The following MACROD2 variants were observed in gnomAD, a reference collection of about 807,000 sequenced individuals.
MACROD2 encodes mono-ADP ribosylhydrolase 2, also known as ADP-ribose glycohydrolase MACROD2.
A neutral mutation model predicts 70.4 loss-of-function variants in MACROD2; 36 were observed. The observed-to-expected ratio is 0.51, with a 90% CI of 0.39 to 0.68. The LOEUF (loss-of-function observed/expected upper bound fraction) is 0.68, where lower values mean the gene tolerates loss of function less well. Among genes scored for constraint, MACROD2 ranks in the 30% least tolerant of loss-of-function variants. MACROD2 has a pLI of 0.00. For missense variants in MACROD2, 496 were observed against 538.4 expected (o/e 0.92, Z 0.78); for synonymous variants, 172 against 178.8 (o/e 0.96, Z 0.30).
chr20:14,434,655 T>A (rs2084035960), intron 3 of MACROD2, among the ~76,000 whole-genome samples: 1 of 152,194 alleles, frequency 6.6e-6, no homozygotes, highest in Non-Finnish European at 1.5e-5. Context: ...CTCTGTTGGC[T>A]CATCCCATCA....
At chr20:15,079,976 C>G (rs1173024747) in intron 5 of MACROD2, among the ~76,000 whole-genome samples, 23 of 152,090 alleles carry the variant, frequency 1.5e-4, no homozygotes. Context: ...ACTACTAAAT[C>G]TACCAACCTG....
chr20:14,372,386 C>G, intron 3 of MACROD2, among the ~76,000 whole-genome samples: 1 of 151,460 alleles, frequency 6.6e-6, no homozygotes, highest in Admixed American at 6.6e-5. Flanking sequence ...TGTTTCAGAC[C>G]AGTAAATGAA....
chr20:15,176,120 C>G (rs1382321065), intron 5 of MACROD2, among the ~76,000 whole-genome samples: 1 of 152,216 alleles, frequency 6.6e-6, no homozygotes, highest in Non-Finnish European at 1.5e-5. Flanking sequence ...CACGCCAGCC[C>G]CCTGCTGCCT....
chr20:14,734,842 T>C (rs1276943846), intron 5 of MACROD2, among the ~76,000 whole-genome samples: 2 of 152,164 alleles, frequency 1.3e-5, no homozygotes. Flanking sequence ...CATGCATCTA[T>C]GGGCCACTGA....
At chr20:14,465,703 T>G (rs2084436830) in intron 3 of MACROD2, among the ~76,000 whole-genome samples, 1 of 152,126 alleles carries the variant, frequency 6.6e-6, no homozygotes, top group African/African-American at 2.4e-5. Context: ...AGTGCTTCCT[T>G]CGGGAGCTCT....
intron 3 of MACROD2, among the ~76,000 whole-genome samples, chr20:14,288,603 C>G (rs1487365650): frequency 6.6e-6 from 1 of 152,148 alleles, no homozygotes; most frequent in African/African-American, 2.4e-5. Context: ...AAGTTCACTT[C>G]TTAACACCAT....
At chr20:14,622,522 G>A (rs542891545) in intron 4 of MACROD2, among the ~76,000 whole-genome samples, 1 of 152,280 alleles carries the variant, frequency 6.6e-6, no homozygotes, top group Admixed American at 6.5e-5. Flanking sequence ...AGTTGTTAGA[G>A]TTTGAGCTTA....
chr20:15,144,404 T>C (rs944990124), intron 5 of MACROD2, among the ~76,000 whole-genome samples: 1 of 152,192 alleles, frequency 6.6e-6, no homozygotes, highest in Non-Finnish European at 1.5e-5. Flanking sequence ...ATGTGAATGA[T>C]TTTTATATTT....
At chr20:14,232,169 G>A (rs1326833141) in intron 3 of MACROD2, among the ~76,000 whole-genome samples, 2 of 151,420 alleles carry the variant, frequency 1.3e-5, no homozygotes, top group African/African-American at 2.4e-5. Context: ...GTCAATTTTG[G>A]CTTTTGTTGC....
intron 4 of MACROD2, among the ~76,000 whole-genome samples, chr20:14,506,950 CA>C: frequency 1.3e-5 from 2 of 151,688 alleles, no homozygotes; most frequent in South Asian, 4.2e-4. Context: ...GACTCTGTCT[CA>C]AAAAAGAAAT....
intron 2 of MACROD2, among the ~76,000 whole-genome samples, chr20:14,049,174 T>TAATAAA (rs2053522424): frequency 2.9e-5 from 2 of 69,772 alleles, no homozygotes; most frequent in Non-Finnish European, 6.6e-5. Flanking sequence ...ATATATTTAA[T>TAATAAA]AAAAAAAAAA....
chr20:14,893,538 G>C (rs889774088), intron 5 of MACROD2: 1 of 152,038 alleles, frequency 6.6e-6, no homozygotes, highest in East Asian at 1.9e-4. Flanking sequence ...TGCATATGGA[G>C]ATTAGCATAT....
At chr20:14,353,811 T>G (rs1462272442) in intron 3 of MACROD2, among the ~76,000 whole-genome samples, 1 of 152,196 alleles carries the variant, frequency 6.6e-6, no homozygotes, top group Non-Finnish European at 1.5e-5. Flanking sequence ...TGGTTAAAAT[T>G]AAATCACATG....
At chr20:14,198,288 C>G (rs2081450225) in intron 3 of MACROD2, among the ~76,000 whole-genome samples, 1 of 152,136 alleles carries the variant, frequency 6.6e-6, no homozygotes, top group Non-Finnish European at 1.5e-5. Context: ...AGTTTACTGA[C>G]TTTTCTCTTT....
intron 3 of MACROD2, among the ~76,000 whole-genome samples, chr20:14,230,654 T>TATATATATATATATATAA: frequency 2.7e-5 from 2 of 74,238 alleles, no homozygotes; most frequent in African/African-American, 1.4e-4. Flanking sequence ...TATATATATA[T>TATATATATATATATATAA]AACACAGGCT....
chr20:15,816,402 A>T (rs531790547), intron 8 of MACROD2, among the ~76,000 whole-genome samples: 1 of 152,282 alleles, frequency 6.6e-6, no homozygotes, highest in South Asian at 2.1e-4. Flanking sequence ...CCTGAATTCT[A>T]CTGGCAACCA....
chr20:15,581,207 T>C (rs140686174), intron 8 of MACROD2, among the ~76,000 whole-genome samples: 42 of 152,306 alleles, frequency 2.8e-4, no homozygotes, highest in Admixed American at 9.8e-4. Flanking sequence ...AAACACCATA[T>C]TATAAGATAC....
chr20:14,609,578 T>C (rs187763473), intron 4 of MACROD2, among the ~76,000 whole-genome samples: 22 of 152,260 alleles, frequency 1.4e-4, no homozygotes, highest in Admixed American at 6.5e-4. Context: ...CTGAACTTCA[T>C]TGGCTTTGAT....
chr20:14,868,058 A>T (rs1368068686), intron 5 of MACROD2, among the ~76,000 whole-genome samples: 1 of 152,116 alleles, frequency 6.6e-6, no homozygotes, highest in Non-Finnish European at 1.5e-5. Flanking sequence ...TAAAAGCATT[A>T]TTCCTAGAAA....
Sources: allele counts gnomAD v4.1 joint callset (sites outside exome capture counted in the v4.1 genomes callset), GRCh38; gene constraint gnomAD v4.1.1; transcripts MANE v1.5; gene names NCBI Gene and HGNC (gene_info 2026-07-23, HGNC 2026-07-21).